The following COL28A1 variants were observed in gnomAD, a reference collection of about 807,000 sequenced individuals.
COL28A1 encodes the protein collagen type XXVIII alpha 1 chain.
COL28A1 carries 161 observed loss-of-function variants against 150.2 expected under a neutral mutation model. That is an observed-to-expected ratio of 1.07 (90% CI 0.94 to 1.22). The LOEUF (loss-of-function observed/expected upper bound fraction) is 1.22. Among genes scored for constraint, COL28A1 ranks in the 50% most tolerant of loss-of-function variants. The pLI, the probability that COL28A1 is intolerant of heterozygous loss-of-function variation, is 0.00. For synonymous variants in COL28A1, 552 were observed against 469.7 expected (o/e 1.18, Z -2.26); for missense variants, 1,617 against 1,388.3 (o/e 1.16, Z -2.62).
At chr7:7,519,479 A>G (rs1374883889) in intron 6 of COL28A1, among the ~76,000 whole-genome samples, 2 of 152,164 alleles carry the variant, frequency 1.3e-5, no homozygotes, top group Non-Finnish European at 1.5e-5. Context: ...TCACATAGTT[A>G]TATCTACTTT....
chr7:7,365,294 C>G (rs1362147593), intron 33 of COL28A1, among the ~76,000 whole-genome samples: 1 of 56,546 alleles, frequency 1.8e-5, no homozygotes, highest in Non-Finnish European at 5.4e-5. Flanking sequence ...TGCCTGTCAA[C>G]TCTGCACATT....
intron 18 of COL28A1, among the ~76,000 whole-genome samples, chr7:7,450,667 C>T (rs1786623812): frequency 6.6e-6 from 1 of 152,182 alleles, no homozygotes; most frequent in Non-Finnish European, 1.5e-5. Flanking sequence ...CTACCTCTAA[C>T]TGTCTATCTT....
At position 7,373,400 on chromosome 7, in the gene COL28A1, G is replaced by A. The variant is rs375216034; in HGVS notation, c.2506C>T (p.Arg836Cys). The change falls in exon 32 of 35, where the codon CGC becomes TGC. Residue 836 changes from arginine to cysteine, a missense_variant. Arg to Cys is a radical substitution (Grantham distance 180, BLOSUM62 -3). Transcript: ENST00000399429. This position sits in a 1 kb window ranked among gnomAD's most constrained non-coding sequence, Gnocchi z 4.1. ...TGGCTATAGTTGATTATGCCTATGCGGGCCGTGGCAAGGTCCAGAGCAACC... is the reference window on the plus strand; with the variant it reads ...TGGCTATAGTTGATTATGCCTATGCAGGCCGTGGCAAGGTCCAGAGCAACC... The part of the protein sequence containing the change: ...DRVALDLATA[R>C]IGIINYSHKV... The A allele has an allele frequency of 1.1e-5, 17 of 1,614,074 alleles. No individual in the cohort carries two copies. The highest frequency in any genetic ancestry group is 3.3e-5 in the South Asian group (3 of 91,068).
At chr7:7,458,114 T>C (rs1787317335) in intron 15 of COL28A1, among the ~76,000 whole-genome samples, 1 of 152,186 alleles carries the variant, frequency 6.6e-6, no homozygotes. Flanking sequence ...AATATGTTTT[T>C]ATGAAGAAAA....
At chr7:7,436,066 T>C (rs1785318008) in intron 23 of COL28A1, among the ~76,000 whole-genome samples, 1 of 152,216 alleles carries the variant, frequency 6.6e-6, no homozygotes. Flanking sequence ...TTTTGGACAA[T>C]GTTTTGCAGA....
At chr7:7,541,805 T>C in the COL28A1 span, among the ~76,000 whole-genome samples, 1 of 152,146 alleles carries the variant, frequency 6.6e-6, no homozygotes, top group Non-Finnish European at 1.5e-5. Context: ...TCTGATGAAA[T>C]CCATAACTCA....
At chr7:7,435,553 T>C (rs922876051) in intron 23 of COL28A1, among the ~76,000 whole-genome samples, 1 of 152,236 alleles carries the variant, frequency 6.6e-6, no homozygotes, top group Admixed American at 6.5e-5. Context: ...GTTAAAGCAA[T>C]AAAAACAGGA....
At chr7:7,417,503 G>A (rs1583323698) in intron 27 of COL28A1, 1 of 225,500 alleles carries the variant, frequency 4.4e-6, no homozygotes. Flanking sequence ...GAAGGAGGGA[G>A]GGGGAGGGAA....
chr7:7,477,802 C>T (rs919809180), intron 13 of COL28A1, among the ~76,000 whole-genome samples: 2 of 152,184 alleles, frequency 1.3e-5, no homozygotes, highest in Admixed American at 6.5e-5. Context: ...CCTCTGCTGG[C>T]TAGGGCAGCC....
intron 15 of COL28A1, among the ~76,000 whole-genome samples, chr7:7,458,993 T>C (rs1787388339): frequency 6.6e-6 from 1 of 152,240 alleles, no homozygotes; most frequent in Non-Finnish European, 1.5e-5. Flanking sequence ...GTGTTTATAT[T>C]ATCACTTGAA....
intron 34 of COL28A1, 125 bp from the exon 35 acceptor site, chr7:7,358,930 T>C (rs1780476537): frequency 1.4e-6 from 1 of 716,524 alleles, no homozygotes; most frequent in Non-Finnish European, 2.1e-6. Context: ...CAAGAAAATA[T>C]GGTTCTAAGT....
intron 15 of COL28A1, among the ~76,000 whole-genome samples, chr7:7,462,351 C>T (rs957319083): frequency 2.0e-5 from 3 of 152,154 alleles, no homozygotes; most frequent in Non-Finnish European, 4.4e-5. Flanking sequence ...TACACTAGCT[C>T]ACCAGCAATA....
intron 11 of COL28A1, among the ~76,000 whole-genome samples, chr7:7,505,198 C>T (rs566796256): frequency 9.2e-5 from 14 of 152,278 alleles, no homozygotes; most frequent in African/African-American, 2.9e-4. Flanking sequence ...CCAACTGCTC[C>T]CTACAACTTC....
rs77660787 is a variant in COL28A1, at chr7:7,417,281, C to T, written c.2136+578G>A. ...GAATTCCAGTAACACAGACTCAGGG[C>T]CTAGAATAGAGGTTCTCACCTTGGC... On this transcript the variant is annotated intron_variant, in intron 27 of 34. Coordinates refer to ENST00000399429, the MANE Select transcript of COL28A1 (RefSeq NM_001037763.3). 2.9e-3 allele frequency among the ~76,000 whole-genome samples: 438 copies of T among 151,602 alleles called. 2 individuals carry two copies. Among genetic ancestry groups the T allele is most frequent in the African/African-American group, 0.01 (414 of 41,240 alleles).
chr7:7,429,498 T>A (rs1454619235), intron 25 of COL28A1, among the ~76,000 whole-genome samples: 1 of 151,244 alleles, frequency 6.6e-6, no homozygotes, highest in Non-Finnish European at 1.5e-5. Flanking sequence ...TGTGTGTGTA[T>A]GCGTGTGTGT....
chr7:7,474,601 C>T lies in COL28A1; in HGVS notation c.1302G>A (p.Lys434=). 2.6e-6 allele frequency: 3 copies of T among 1,174,196 alleles called. No individual in the cohort carries two copies. The highest frequency in any genetic ancestry group is 1.2e-5 in the South Asian group (1 of 82,216). 72.7% of individuals were successfully genotyped at this position (1,174,196 alleles called of 1,614,324 possible). ...CAGTGTACACCCTATTATACAGTAC[C>T]TTCTCCCCTTTGATTGACAGGCCTT... ...GLQGLSIKGE[K]GDIGPVGPQG... Residue 434 remains lysine (K), a splice_region_variant and synonymous_variant, in exon 15 of 35, where the codon AAG becomes AAA. Coordinates refer to ENST00000399429, the MANE Select transcript of COL28A1 (RefSeq NM_001037763.3).
intron 26 of COL28A1, among the ~76,000 whole-genome samples, chr7:7,419,636 T>A (rs993123121): frequency 1.3e-5 from 2 of 152,198 alleles, no homozygotes; most frequent in Non-Finnish European, 2.9e-5. Context: ...AACCCAGAAA[T>A]GTTCTGAGCA....
At chr7:7,379,743 A>T (rs1781766100) in intron 30 of COL28A1, among the ~76,000 whole-genome samples, 2 of 152,208 alleles carry the variant, frequency 1.3e-5, no homozygotes, top group South Asian at 4.1e-4. Flanking sequence ...CCTACAGGGA[A>T]CGTTCCTCTG....
rs188135314 is a variant in COL28A1, at chr7:7,506,815, G to C, written c.972+302C>G. On this transcript the variant is annotated intron_variant, in intron 10 of 34. Transcript: ENST00000399429. The stretch of plus-strand genomic sequence containing the variant: ...AGTTACATCCTGCTTTTAACCACTT[G>C]ACTTTCCATCTTTCCAGACTCTTAA... 9.9e-5 allele frequency among the ~76,000 whole-genome samples: 15 copies of C among 152,260 alleles called. No homozygotes were observed. In the East Asian group the frequency reaches 2.3e-3, roughly 23 times the overall value.
Sources: allele counts gnomAD v4.1 joint callset (sites outside exome capture counted in the v4.1 genomes callset), GRCh38; gene constraint gnomAD v4.1.1; non-coding constraint Gnocchi (gnomAD v3.1); transcripts MANE v1.5; gene names NCBI Gene and HGNC (gene_info 2026-07-23, HGNC 2026-07-21).